Variants in LYPLAL1 observed in about 807,000 individuals in gnomAD.
The protein encoded by LYPLAL1 is lysophospholipase like 1, also known as lysophospholipase-like protein 1.
In LYPLAL1, 23 loss-of-function variants were observed where a neutral mutation model predicts 19.7. The observed-to-expected ratio is 1.17, with a 90% CI of 0.84 to 1.65. The LOEUF (loss-of-function observed/expected upper bound fraction) is 1.65. Ranked by LOEUF, LYPLAL1 falls within the 40% of genes most tolerant of loss-of-function variation. The pLI, the probability that LYPLAL1 is intolerant of heterozygous loss-of-function variation, is 0.00. For missense variants in LYPLAL1, 355 were observed against 279.4 expected (o/e 1.27, Z -1.93); for synonymous variants, 119 against 96.3 (o/e 1.24, Z -1.38).
chr1:219,203,206 C>G (rs1558239900), intron 3 of LYPLAL1, among the ~76,000 whole-genome samples: 1 of 151,542 alleles, frequency 6.6e-6, no homozygotes, highest in Non-Finnish European at 1.5e-5. Flanking sequence ...CAAAACTACT[C>G]TCTGTATTTG....
the LYPLAL1 span, among the ~76,000 whole-genome samples, chr1:219,379,911 G>T: frequency 2.6e-5 from 4 of 152,220 alleles, no homozygotes; most frequent in Non-Finnish European, 4.4e-5. Flanking sequence ...CGGGCACAAG[G>T]TTCAGTGAGC....
At chr1:219,201,817 T>C (rs140594839) in intron 3 of LYPLAL1, among the ~76,000 whole-genome samples, 3 of 152,344 alleles carry the variant, frequency 2.0e-5, no homozygotes, top group African/African-American at 7.2e-5. Context: ...TGACCTCTTA[T>C]ACTGTGACAA....
the LYPLAL1 span, among the ~76,000 whole-genome samples, chr1:219,283,319 G>T: frequency 1.7e-4 from 26 of 152,108 alleles, no homozygotes; most frequent in African/African-American, 5.5e-4. Flanking sequence ...GAGAGGTACT[G>T]TTTGGGATGG....
chr1:219,394,186 G>C, the LYPLAL1 span, among the ~76,000 whole-genome samples: 1 of 152,034 alleles, frequency 6.6e-6, no homozygotes, highest in Non-Finnish European at 1.5e-5. Context: ...TTAAAAGAAG[G>C]AATAATTTTG....
At chr1:219,410,053 G>T in the LYPLAL1 span, 2 of 152,214 alleles carry the variant, frequency 1.3e-5, no homozygotes, top group African/African-American at 4.8e-5. Context: ...CCTATGTATT[G>T]CTTATTTTTC....
chr1:219,240,977 C>CA, the LYPLAL1 span, among the ~76,000 whole-genome samples: 108 of 151,532 alleles, frequency 7.1e-4, 1 homozygote, highest in South Asian at 0.022. Flanking sequence ...AGGAAGATCA[C>CA]TTGAGCCCAG....
the LYPLAL1 span, among the ~76,000 whole-genome samples, chr1:219,230,132 A>G: frequency 6.6e-6 from 1 of 152,050 alleles, no homozygotes; most frequent in Non-Finnish European, 1.5e-5. Flanking sequence ...CTTTTTTTTG[A>G]AACAGAGTCT....
the LYPLAL1 span, among the ~76,000 whole-genome samples, chr1:219,418,700 C>A: frequency 6.6e-6 from 1 of 152,190 alleles, no homozygotes; most frequent in East Asian, 1.9e-4. Context: ...GTTGTACTTC[C>A]TATGGGTTTG....
At chr1:219,340,821 A>T in the LYPLAL1 span, among the ~76,000 whole-genome samples, 2 of 152,096 alleles carry the variant, frequency 1.3e-5, no homozygotes, top group East Asian at 3.9e-4. Flanking sequence ...CAGTGAAACG[A>T]CAACTAGAAC....
chr1:219,369,128 G>C, the LYPLAL1 span, among the ~76,000 whole-genome samples: 10 of 152,144 alleles, frequency 6.6e-5, no homozygotes, highest in Non-Finnish European at 1.2e-4. Flanking sequence ...AACAGGCTCA[G>C]ACATGTATGA....
At chr1:219,326,851 A>C in the LYPLAL1 span, among the ~76,000 whole-genome samples, 1 of 152,226 alleles carries the variant, frequency 6.6e-6, no homozygotes, top group South Asian at 2.1e-4. Flanking sequence ...AAAAAGAAGA[A>C]AATAGACAAT....
chr1:219,244,498 G>C, the LYPLAL1 span, among the ~76,000 whole-genome samples: 1 of 152,308 alleles, frequency 6.6e-6, no homozygotes, highest in South Asian at 2.1e-4. Context: ...GGTGTCGGAA[G>C]CATCATCAGC....
the LYPLAL1 span, among the ~76,000 whole-genome samples, chr1:219,330,071 A>G: frequency 6.6e-6 from 1 of 152,204 alleles, no homozygotes; most frequent in South Asian, 2.1e-4. Context: ...GTGTCACAAA[A>G]GCATGTGAGT....
chr1:219,205,575 ATTTTGTACAAGAAAC>A (rs1658511735), intron 3 of LYPLAL1, among the ~76,000 whole-genome samples: 1 of 152,142 alleles, frequency 6.6e-6, no homozygotes, highest in African/African-American at 2.4e-5. Flanking sequence ...ATATTGTAAA[ATTTTGTACAAGAAAC>A]TTTTGTACAA....
the LYPLAL1 span, among the ~76,000 whole-genome samples, chr1:219,377,867 G>A: frequency 6.6e-6 from 1 of 152,144 alleles, no homozygotes; most frequent in Non-Finnish European, 1.5e-5. Flanking sequence ...GCCACAGATA[G>A]CCAAACATTT....
the LYPLAL1 span, among the ~76,000 whole-genome samples, chr1:219,422,037 T>C: frequency 6.6e-6 from 1 of 152,190 alleles, no homozygotes; most frequent in Non-Finnish European, 1.5e-5. Context: ...AGCTTTGAAG[T>C]TAACACAACC....
the LYPLAL1 span, among the ~76,000 whole-genome samples, chr1:219,397,935 G>T: frequency 6.6e-6 from 1 of 151,996 alleles, no homozygotes; most frequent in Non-Finnish European, 1.5e-5. Flanking sequence ...TAGTTGGATG[G>T]GCTTCCCTTT....
the LYPLAL1 span, among the ~76,000 whole-genome samples, chr1:219,341,448 C>T: frequency 3.0e-4 from 46 of 152,052 alleles, no homozygotes; most frequent in Non-Finnish European, 5.6e-4. Flanking sequence ...ACATGGCTCT[C>T]CTTTCAGAAA....
At chr1:219,324,102 G>A in the LYPLAL1 span, among the ~76,000 whole-genome samples, 2 of 152,122 alleles carry the variant, frequency 1.3e-5, no homozygotes, top group African/African-American at 4.8e-5. Flanking sequence ...CCTTTTTCCT[G>A]CAGTGTGCAT....
Sources: gnomAD v4.1 joint callset for allele counts (sites outside exome capture counted in the v4.1 genomes callset) on GRCh38, gnomAD v4.1.1 for gene constraint, MANE v1.5 for transcripts, NCBI Gene and HGNC (gene_info 2026-07-23, HGNC 2026-07-21) for gene names.